The following THSD7A variants were observed in gnomAD, a reference collection of about 807,000 sequenced individuals.
The protein encoded by THSD7A is thrombospondin type-1 domain-containing protein 7A.
A neutral mutation model predicts 231.3 loss-of-function variants in THSD7A; 96 were observed. The observed-to-expected ratio is 0.41, with a 90% CI of 0.35 to 0.49. The LOEUF (loss-of-function observed/expected upper bound fraction) is 0.49. THSD7A is among the 20% of genes least tolerant of loss of function. The pLI is 0.05. For synonymous variants in THSD7A, 940 were observed against 743.3 expected (o/e 1.26, Z -4.30); for missense variants, 2,290 against 2,070.2 (o/e 1.11, Z -2.06).
chr7:11,757,940 A>T (rs187382901), intron 1 of THSD7A, among the ~76,000 whole-genome samples: 1 of 150,104 alleles, frequency 6.7e-6, no homozygotes, highest in Admixed American at 6.7e-5. Context: ...AATAATAATG[A>T]TTATAAAATT....
At chr7:11,512,107 A>G (rs1787834594) in intron 6 of THSD7A, among the ~76,000 whole-genome samples, 1 of 152,186 alleles carries the variant, frequency 6.6e-6, no homozygotes, top group Non-Finnish European at 1.5e-5. Flanking sequence ...AAACAACCCC[A>G]TCAAAAAGTA....
chr7:11,375,233 T>A lies in THSD7A; in HGVS notation c.*561A>T, dbSNP rs1009784391. ...CTCTGAAATGCAGGTCAATAAAATC[T>A]ACCATCGACCACCAAGATGCTGAAT... On this transcript the variant is annotated 3_prime_UTR_variant, in exon 28 of 28. Coordinates refer to ENST00000423059, the MANE Select transcript of THSD7A (RefSeq NM_015204.3). The A allele has an allele frequency of 6.6e-6, 1 of 150,944 alleles. No homozygotes were observed. The allele number at this position is 150,944 out of a possible 1,614,324, so 9.4% of individuals were successfully genotyped here.
intron 1 of THSD7A, among the ~76,000 whole-genome samples, chr7:11,797,412 CTTT>C (rs59662790): frequency 4.6e-4 from 50 of 109,000 alleles, no homozygotes; most frequent in African/African-American, 1.5e-3. Context: ...CTGCCTCTCT[CTTT>C]TTTTTTTTTT....
At position 11,821,046 on chromosome 7, in the gene THSD7A, C is replaced by A. The variant is rs536707319; in HGVS notation, c.190+10711G>T. The A allele has an allele frequency of 4.1e-6, 4 of 975,786 alleles. 1 individual carries two copies. Among genetic ancestry groups the A allele is most frequent in the South Asian group, 2.8e-5 (2 of 71,440 alleles). 60.4% of individuals were successfully genotyped at this position (975,786 alleles called of 1,614,324 possible). On this transcript the variant is annotated intron_variant, in intron 1 of 27. Transcript: ENST00000423059. ...TTTTCTGGGACTTTTCATTTCATCA[C>A]GAGCCAAACCATGTTTTATGAAAGT...
chr7:11,528,356 G>T (rs912097042), intron 6 of THSD7A, among the ~76,000 whole-genome samples: 5 of 152,148 alleles, frequency 3.3e-5, no homozygotes, highest in Admixed American at 2.6e-4. Context: ...TATTCTCTCT[G>T]TTAGCTTGTA....
intron 1 of THSD7A, among the ~76,000 whole-genome samples, chr7:11,762,500 TTA>T (rs529144137): frequency 1.0e-3 from 159 of 152,302 alleles, no homozygotes; most frequent in African/African-American, 3.7e-3. Context: ...TGGAGCATTT[TTA>T]TATGTTTGCT....
At chr7:11,486,616 GTCTC>G (rs1280820573) in intron 6 of THSD7A, among the ~76,000 whole-genome samples, 1 of 152,066 alleles carries the variant, frequency 6.6e-6, no homozygotes, top group Non-Finnish European at 1.5e-5. Flanking sequence ...TTCTTCTTTA[GTCTC>G]TCTGAGGACA....
chr7:11,465,873 T>G (rs1228278124), intron 9 of THSD7A, among the ~76,000 whole-genome samples: 1 of 152,184 alleles, frequency 6.6e-6, no homozygotes, highest in Admixed American at 6.5e-5. Context: ...ATAATTTATG[T>G]GCATAAGGTA....
chr7:11,503,524 C>A (rs940939521), intron 6 of THSD7A, among the ~76,000 whole-genome samples: 1 of 151,714 alleles, frequency 6.6e-6, no homozygotes, highest in Non-Finnish European at 1.5e-5. Context: ...AACAAAAAAC[C>A]TACAGAATAG....
chr7:11,664,678 A>G lies in THSD7A; in HGVS notation c.191-27717T>C, dbSNP rs573673844. Among the ~76,000 whole-genome samples, 37 of 152,092 alleles carry G rather than the reference A, an allele frequency of 2.4e-4. 1 individual carries two copies. In the East Asian group the frequency reaches 7.2e-3, roughly 30 times the overall value. On this transcript the variant is annotated intron_variant, in intron 1 of 27. Coordinates refer to ENST00000423059, the MANE Select transcript of THSD7A (RefSeq NM_015204.3). ...GATACATACTTTCCAAAGCACTTAA[A>G]TAACTACCAAGAAAAGAGTAGCAGA...
At chr7:11,815,102 T>A (rs915132054) in intron 1 of THSD7A, among the ~76,000 whole-genome samples, 1 of 152,108 alleles carries the variant, frequency 6.6e-6, no homozygotes, top group South Asian at 2.1e-4. Flanking sequence ...AAAGAATCTT[T>A]TAAAAATCTT....
chr7:11,459,665 A>ATTTTTT (rs34415355), intron 11 of THSD7A, among the ~76,000 whole-genome samples: 2 of 39,894 alleles, frequency 5.0e-5, no homozygotes, highest in East Asian at 1.1e-3. Flanking sequence ...AAAACAGGGG[A>ATTTTTT]TTTTTTTTTT....
intron 9 of THSD7A, among the ~76,000 whole-genome samples, chr7:11,465,782 A>G (rs184902821): frequency 1.2e-3 from 182 of 152,270 alleles, no homozygotes; most frequent in African/African-American, 3.9e-3. Flanking sequence ...TGCAGTGAGA[A>G]AAAAAAGGAG....
chr7:11,700,142 T>TGG (rs1413199720), intron 1 of THSD7A, among the ~76,000 whole-genome samples: 1 of 151,328 alleles, frequency 6.6e-6, no homozygotes, highest in Non-Finnish European at 1.5e-5. Context: ...GCATACAACA[T>TGG]GCTAAAGCTA....
Position 11,466,902 on chromosome 7 carries a change from C to A in THSD7A, c.2368+2977G>T, listed in dbSNP as rs141757420. The stretch of plus-strand genomic sequence containing the variant: ...CCCAAGAGACCAACCCAACTAAACC[C>A]ATTATGCCTCACATGCCTGCCACTC... On this transcript the variant is annotated intron_variant, in intron 9 of 27. Coordinates refer to ENST00000423059, the MANE Select transcript of THSD7A (RefSeq NM_015204.3). Among the ~76,000 whole-genome samples the A allele has an allele frequency of 2.7e-4, 41 of 152,166 alleles. No homozygotes were observed. In the East Asian group the frequency reaches 7.7e-3, roughly 29 times the overall value.
intron 6 of THSD7A, among the ~76,000 whole-genome samples, chr7:11,507,492 T>C (rs942015592): frequency 3.9e-5 from 6 of 152,282 alleles, no homozygotes; most frequent in African/African-American, 1.4e-4. Flanking sequence ...TTATACTGAC[T>C]TGTGTATGAA....
At chr7:11,709,403 C>A (rs114190191) in intron 1 of THSD7A, among the ~76,000 whole-genome samples, 1 of 150,688 alleles carries the variant, frequency 6.6e-6, no homozygotes, top group Non-Finnish European at 1.5e-5. Context: ...AGTGTCAGGG[C>A]TGCTATGCTT....
chr7:11,453,329 T>C (rs1433582072), intron 11 of THSD7A, among the ~76,000 whole-genome samples: 25 of 146,948 alleles, frequency 1.7e-4, no homozygotes, highest in African/African-American at 5.5e-4. Context: ...CTTTTACCTT[T>C]TTTTTTTTTT....
At position 11,594,828 on chromosome 7, in the gene THSD7A, G is replaced by C. The variant is rs1780300835; in HGVS notation, c.1023-1326C>G. ...ACACAAGCTCTTATCATGTGAGTGG[G>C]TCATCTGCAAGGAAAGATGCATGCA... is the stretch of plus-strand genomic sequence containing the variant. On this transcript the variant is annotated intron_variant, in intron 2 of 27. Transcript: ENST00000423059. 3.3e-5 allele frequency among the ~76,000 whole-genome samples: 5 copies of C among 152,182 alleles called. No homozygotes were observed. The South Asian group carries it at 1.0e-3, about 31-fold the overall frequency.
Sources: gnomAD v4.1 joint callset for allele counts (sites outside exome capture counted in the v4.1 genomes callset) on GRCh38, gnomAD v4.1.1 for gene constraint, MANE v1.5 for transcripts, NCBI Gene and HGNC (gene_info 2026-07-23, HGNC 2026-07-21) for gene names.